GTF2H3: variants seen among roughly 807,000 people sequenced by gnomAD.
GTF2H3 encodes general transcription factor IIH subunit 3.
Under a neutral mutation model 51.1 loss-of-function variants are expected in GTF2H3, and 42 were observed. The observed-to-expected ratio is 0.82, with a 90% CI of 0.64 to 1.06. The LOEUF is 1.06. GTF2H3 is among the 50% of genes least tolerant of loss of function. The probability of loss-of-function intolerance (pLI) is 0.00; values close to 1 mark genes in which losing one functional copy is unlikely to be tolerated. For missense variants in GTF2H3, 326 were observed against 366.1 expected (o/e 0.89, Z 0.89); for synonymous variants, 123 against 123.8 (o/e 0.99, Z 0.04).
intron 1 of GTF2H3, among the ~76,000 whole-genome samples, chr12:123,637,045 A>G (rs2135776260): frequency 6.6e-6 from 1 of 152,344 alleles, no homozygotes; most frequent in South Asian, 2.1e-4. Context: ...TATTCGTGGC[A>G]CTGTACTCCA....
chr12:123,636,077 T>G (rs902375901), intron 1 of GTF2H3, among the ~76,000 whole-genome samples: 24 of 152,214 alleles, frequency 1.6e-4, no homozygotes, highest in African/African-American at 5.3e-4. Context: ...TGTGCCCTTA[T>G]TTAATATACC....
chr12:123,656,227 G>A (rs1955584997), intron 9 of GTF2H3: 2 of 167,858 alleles, frequency 1.2e-5, no homozygotes, highest in Admixed American at 1.2e-4. Context: ...GATGGGGAGA[G>A]CGAGGTCCAA....
Position 123,654,992 on chromosome 12 carries a change from G to T in GTF2H3, c.555G>T (p.Gln185His), listed in dbSNP as rs1955569163. The change falls in exon 8 of 13, where the codon CAG (glutamine) becomes CAT (histidine). Residue 185 changes from glutamine to histidine, a missense_variant. Transcript: ENST00000543341. ...TCATGAATGTCATCTTTGCAGCACA[G>T]AAACAGGTGAACTGAGAGCCTGCCG... ...MNFMNVIFAA[Q>H]KQNILIDACV... The T allele has an allele frequency of 6.2e-7, 1 of 1,610,164 alleles. No individual in the cohort carries two copies. Among genetic ancestry groups the T allele is most frequent in the Non-Finnish European group, 8.5e-7 (1 of 1,176,352 alleles).
intron 1 of GTF2H3, among the ~76,000 whole-genome samples, chr12:123,636,978 G>A (rs1955293916): frequency 6.6e-6 from 1 of 151,564 alleles, no homozygotes; most frequent in African/African-American, 2.4e-5. Flanking sequence ...CCAGCTGTGT[G>A]GGAGACTGAG....
chr12:123,648,461 T>G (rs1168583987), intron 4 of GTF2H3: 1 of 167,218 alleles, frequency 6.0e-6, no homozygotes, highest in Non-Finnish European at 1.3e-5. Context: ...GGCACATGAT[T>G]TTCATCTTTT....
chr12:123,646,266 T>C (rs1955445927), intron 3 of GTF2H3, among the ~76,000 whole-genome samples: 1 of 151,728 alleles, frequency 6.6e-6, no homozygotes, highest in Admixed American at 6.6e-5. Context: ...TTTTTTTTTT[T>C]TTTTTTTGGA....
Position 123,661,264 on chromosome 12 carries a change from T to C in GTF2H3, c.*1029T>C, listed in dbSNP as rs1164913928. ...TGTATTTCTTTATGTAATCTTGAAATTATTAAAAGTCCTTTTAGCTTCTAG... is the reference window on the plus strand; with the variant it reads ...TGTATTTCTTTATGTAATCTTGAAACTATTAAAAGTCCTTTTAGCTTCTAG... On this transcript the variant is annotated 3_prime_UTR_variant, in exon 13 of 13. Transcript: ENST00000543341. 1 of 152,214 alleles carries C rather than the reference T, an allele frequency of 6.6e-6. No individual in the cohort carries two copies. The highest frequency in any genetic ancestry group is 1.9e-4 in the East Asian group (1 of 5,200). 9.4% of individuals were successfully genotyped at this position (152,214 alleles called of 1,614,324 possible).
chr12:123,642,476 TCTTA>T (rs1459744461), intron 2 of GTF2H3, among the ~76,000 whole-genome samples: 1 of 152,198 alleles, frequency 6.6e-6, no homozygotes, highest in Non-Finnish European at 1.5e-5. Context: ...GTCAATCTCT[TCTTA>T]CTTGTGATTC....
At chr12:123,643,432 C>A (rs1955406025) in intron 2 of GTF2H3, among the ~76,000 whole-genome samples, 1 of 152,180 alleles carries the variant, frequency 6.6e-6, no homozygotes, top group Admixed American at 6.5e-5. Context: ...CCCTGTTACT[C>A]CAGAAAGGCT....
chr12:123,639,684 A>C (rs1047894706), intron 2 of GTF2H3, among the ~76,000 whole-genome samples: 2 of 152,210 alleles, frequency 1.3e-5, no homozygotes, highest in African/African-American at 4.8e-5. Flanking sequence ...GTGGTCTTAA[A>C]AAATACTTTC....
chr12:123,654,837 T>C (rs905776808), intron 7 of GTF2H3, 87 bp from the exon 8 acceptor site: 16 of 838,474 alleles, frequency 1.9e-5, no homozygotes, highest in South Asian at 1.1e-4. Context: ...GGAATAATGT[T>C]GGTTGTGGTT....
At chr12:123,651,279 C>T (rs1382523250) in intron 5 of GTF2H3, 14 of 361,326 alleles carry the variant, frequency 3.9e-5, no homozygotes, top group Admixed American at 8.6e-5. Context: ...GGCACAATCT[C>T]GGCTCACTGC....
Position 123,661,008 on chromosome 12 carries a change from T to G in GTF2H3, c.*773T>G, listed in dbSNP as rs2135804409. 6.6e-6 allele frequency: 1 copy of G among 151,766 alleles called. No homozygotes were observed. The allele number at this position is 151,766 out of a possible 1,614,324, so 9.4% of individuals were successfully genotyped here. A position where few individuals can be genotyped will look rare whatever the true frequency, so the allele number is the denominator to read the frequency against. ...TTCCTTTTTTAATGAGGAAAAAAAATCCACATTAATATTGAAACTGCACCT... is the reference window on the plus strand; with the variant it reads ...TTCCTTTTTTAATGAGGAAAAAAAAGCCACATTAATATTGAAACTGCACCT... On this transcript the variant is annotated 3_prime_UTR_variant, in exon 13 of 13. Transcript: ENST00000543341.
intron 9 of GTF2H3, among the ~76,000 whole-genome samples, chr12:123,656,453 G>A (rs767455601): frequency 1.3e-5 from 2 of 152,116 alleles, no homozygotes; most frequent in African/African-American, 2.4e-5. Flanking sequence ...ACTCCAAGAC[G>A]ATCTTGTCTC....
intron 2 of GTF2H3, among the ~76,000 whole-genome samples, chr12:123,641,311 C>A (rs1294368135): frequency 1.3e-5 from 2 of 151,546 alleles, no homozygotes; most frequent in African/African-American, 4.9e-5. Flanking sequence ...ACTGCAACCT[C>A]TGCCTCCCGG....
rs530113603 is a variant in GTF2H3, at chr12:123,652,589, C to T, written c.457+28C>T. On this transcript the variant is annotated intron_variant, in intron 6 of 12. Coordinates refer to ENST00000543341, the MANE Select transcript of GTF2H3 (RefSeq NM_001516.5). Reference sequence around the variant, plus strand: ...AAGAGCCTACGTTTTCCTATGAGAACTGTAATCCTACTTATTTTACTAGTA... The same window carrying T: ...AAGAGCCTACGTTTTCCTATGAGAATTGTAATCCTACTTATTTTACTAGTA... 7 of 1,507,578 alleles carry T rather than the reference C, an allele frequency of 4.6e-6. No homozygotes were observed. The African/African-American group carries it at 8.4e-5, about 18-fold the overall frequency. 93.4% of individuals were successfully genotyped at this position (1,507,578 alleles called of 1,614,324 possible).
chr12:123,660,781 A>G lies in GTF2H3; in HGVS notation c.*546A>G, dbSNP rs1955647365. The G allele has an allele frequency of 6.6e-6, 1 of 152,264 alleles. No homozygotes were observed. Among genetic ancestry groups the G allele is most frequent in the South Asian group, 2.1e-4 (1 of 4,832 alleles). 9.4% of individuals were successfully genotyped at this position (152,264 alleles called of 1,614,324 possible). ...TTGTCTGATATCAGTACATATTTGGACAAAGTCATCTAAATAATAGTTTGT... is the reference window on the plus strand; with the variant it reads ...TTGTCTGATATCAGTACATATTTGGGCAAAGTCATCTAAATAATAGTTTGT... On this transcript the variant is annotated 3_prime_UTR_variant, in exon 13 of 13. Transcript: ENST00000543341.
At chr12:123,637,597 G>A (rs1378049005) in intron 1 of GTF2H3, among the ~76,000 whole-genome samples, 1 of 151,416 alleles carries the variant, frequency 6.6e-6, no homozygotes, top group African/African-American at 2.4e-5. Flanking sequence ...CTGCCTGCCA[G>A]GTTCAAGTGA....
rs768563785 is a variant in GTF2H3, at chr12:123,654,964, A to G, written c.527A>G (p.Asn176Ser). The change falls in exon 8 of 13, where the codon AAC becomes AGC. Residue 176 changes from asparagine (N) to serine (S), a missense_variant. Physicochemically the swap from Asn to Ser is conservative, Grantham distance 46 (BLOSUM62 1). Coordinates refer to ENST00000543341, the MANE Select transcript of GTF2H3 (RefSeq NM_001516.5). ...AAEDSALQYM[N>S]FMNVIFAAQK... ...GAAGACAGTGCGTTGCAGTATATGA[A>G]CTTCATGAATGTCATCTTTGCAGCA... The G allele has an allele frequency of 1.2e-5, 20 of 1,613,400 alleles. No homozygotes were observed. The highest frequency in any genetic ancestry group is 1.6e-5 in the Non-Finnish European group (19 of 1,179,440).
Sources: gnomAD v4.1 joint callset for allele counts (sites outside exome capture counted in the v4.1 genomes callset) on GRCh38, gnomAD v4.1.1 for gene constraint, MANE v1.5 for transcripts, NCBI Gene and HGNC (gene_info 2026-07-23, HGNC 2026-07-21) for gene names.